The following ITFG1 variants were observed in gnomAD, a reference collection of about 807,000 sequenced individuals.
ITFG1 encodes the protein T-cell immunomodulatory protein.
In ITFG1, 34 loss-of-function variants were observed where a neutral mutation model predicts 81.8. The ratio of observed to expected loss-of-function variants is 0.42; its 90% CI spans 0.32 to 0.55. The LOEUF (loss-of-function observed/expected upper bound fraction) is 0.55, where lower values mean the gene tolerates loss of function less well. ITFG1 is among the 20% of genes least tolerant of loss of function. The pLI is 0.17. For synonymous variants in ITFG1, 285 were observed against 270.6 expected (o/e 1.05, Z -0.52); for missense variants, 672 against 755.4 (o/e 0.89, Z 1.29).
intron 6 of ITFG1, among the ~76,000 whole-genome samples, chr16:47,417,928 T>C (rs1968894162): frequency 6.6e-6 from 1 of 152,144 alleles, no homozygotes; most frequent in Non-Finnish European, 1.5e-5. Context: ...GGTAGTTCCA[T>C]TTTTAGTTTT....
At chr16:47,279,514 C>T (rs190111390) in intron 10 of ITFG1, among the ~76,000 whole-genome samples, 1 of 152,236 alleles carries the variant, frequency 6.6e-6, no homozygotes, top group East Asian at 1.9e-4. Flanking sequence ...CTTGCCAATA[C>T]CACACTGTCT....
chr16:47,197,052 T>C (rs982786873), intron 14 of ITFG1, among the ~76,000 whole-genome samples: 5 of 152,208 alleles, frequency 3.3e-5, no homozygotes, highest in Non-Finnish European at 5.9e-5. Context: ...ACATGACAGA[T>C]AGCAGGCCCT....
intron 5 of ITFG1, among the ~76,000 whole-genome samples, chr16:47,433,285 A>T (rs1394712840): frequency 6.6e-6 from 1 of 152,244 alleles, no homozygotes; most frequent in Non-Finnish European, 1.5e-5. Context: ...TACTCCTTTA[A>T]GAATCTTGAA....
intron 10 of ITFG1, among the ~76,000 whole-genome samples, chr16:47,282,471 TA>T (rs1373824708): frequency 3.3e-5 from 5 of 152,062 alleles, no homozygotes; most frequent in African/African-American, 9.7e-5. Context: ...ATGATATATA[TA>T]TTTTTTTATC....
At chr16:47,225,325 T>A (rs1965744762) in intron 13 of ITFG1, among the ~76,000 whole-genome samples, 1 of 151,890 alleles carries the variant, frequency 6.6e-6, no homozygotes, top group African/African-American at 2.4e-5. Flanking sequence ...CCAACAATAA[T>A]GGGAGTCCCA....
chr16:47,419,599 G>GTT (rs1567493655), intron 6 of ITFG1, among the ~76,000 whole-genome samples: 8 of 140,184 alleles, frequency 5.7e-5, no homozygotes, highest in African/African-American at 2.1e-4. Context: ...CTTACTTCAG[G>GTT]TCTTTTTTTT....
chr16:47,348,631 A>T (rs192527421), intron 8 of ITFG1, among the ~76,000 whole-genome samples: 92 of 152,334 alleles, frequency 6.0e-4, no homozygotes, highest in African/African-American at 2.1e-3. Context: ...GTTGGAAAAC[A>T]CTCTACAGGA....
chr16:47,445,285 C>T (rs923096890), intron 5 of ITFG1, among the ~76,000 whole-genome samples: 4 of 148,448 alleles, frequency 2.7e-5, no homozygotes, highest in East Asian at 2.0e-4. Flanking sequence ...ATTTCCCCCA[C>T]GTTTGATATC....
At chr16:47,347,755 G>T (rs1232258724) in intron 8 of ITFG1, among the ~76,000 whole-genome samples, 2 of 152,344 alleles carry the variant, frequency 1.3e-5, no homozygotes, top group East Asian at 3.9e-4. Flanking sequence ...CCTCAAGTGG[G>T]TCTCTGACCC....
upstream of ITFG1, chr16:47,461,119 C>T (rs1969537677): frequency 7.3e-7 from 1 of 1,373,912 alleles, no homozygotes. Context: ...CGTTACCGGC[C>T]GAGAGAGTGG....
intron 14 of ITFG1, among the ~76,000 whole-genome samples, chr16:47,207,260 T>A (rs1168758171): frequency 1.3e-5 from 2 of 152,050 alleles, no homozygotes; most frequent in Non-Finnish European, 2.9e-5. Flanking sequence ...TTTTTTTGTA[T>A]TTTTTAGTAG....
At chr16:47,405,754 T>C (rs530047035) in intron 6 of ITFG1, among the ~76,000 whole-genome samples, 1 of 152,260 alleles carries the variant, frequency 6.6e-6, no homozygotes, top group South Asian at 2.1e-4. Context: ...AAATGGTAGT[T>C]ATTATTCTCA....
intron 8 of ITFG1, among the ~76,000 whole-genome samples, chr16:47,336,819 C>T (rs570256579): frequency 2.9e-4 from 44 of 151,856 alleles, no homozygotes; most frequent in Non-Finnish European, 5.2e-4. Flanking sequence ...AAAAATTAGC[C>T]GGGCATGGTG....
intron 8 of ITFG1, among the ~76,000 whole-genome samples, chr16:47,321,149 T>C (rs959251442): frequency 6.6e-6 from 1 of 152,200 alleles, no homozygotes; most frequent in Non-Finnish European, 1.5e-5. Context: ...GACTGTAGCA[T>C]AGATGAGCTA....
At chr16:47,296,885 T>A (rs1444912830) in intron 10 of ITFG1, among the ~76,000 whole-genome samples, 1 of 152,220 alleles carries the variant, frequency 6.6e-6, no homozygotes, top group Non-Finnish European at 1.5e-5. Context: ...GAATGTTCCA[T>A]GTTCCGATGA....
chr16:47,460,801 G>T lies in ITFG1; in HGVS notation c.208+37C>A, dbSNP rs748999841. Reference sequence around the variant, plus strand: ...TTGGGGAACACCGGGAGAGGCACACGGACAGCGAACAGAGGGAGGGCCCGG... The same window carrying T: ...TTGGGGAACACCGGGAGAGGCACACTGACAGCGAACAGAGGGAGGGCCCGG... On this transcript the variant is annotated intron_variant, in intron 1 of 17. Coordinates refer to ENST00000320640, the MANE Select transcript of ITFG1 (RefSeq NM_030790.5). 1.1e-5 allele frequency: 17 copies of T among 1,604,242 alleles called. No homozygotes were observed. The South Asian group carries it at 1.7e-4, about 16-fold the overall frequency.
intron 14 of ITFG1, among the ~76,000 whole-genome samples, chr16:47,200,623 A>G (rs1275349449): frequency 2.6e-5 from 4 of 152,190 alleles, no homozygotes; most frequent in Non-Finnish European, 5.9e-5. Flanking sequence ...AAACCAGAGA[A>G]AAAAGAGAAA....
intron 8 of ITFG1, among the ~76,000 whole-genome samples, chr16:47,347,077 G>A (rs979326061): frequency 6.6e-6 from 1 of 152,224 alleles, no homozygotes; most frequent in Non-Finnish European, 1.5e-5. Flanking sequence ...TTCCAAGATG[G>A]CCGAATAGGA....
chr16:47,178,669 A>T (rs948200772), intron 14 of ITFG1, among the ~76,000 whole-genome samples: 5 of 152,240 alleles, frequency 3.3e-5, no homozygotes, highest in African/African-American at 1.2e-4. Context: ...GCTATGGGCA[A>T]GGACTTCATG....
Sources: allele counts gnomAD v4.1 joint callset (sites outside exome capture counted in the v4.1 genomes callset), GRCh38; gene constraint gnomAD v4.1.1; transcripts MANE v1.5; gene names NCBI Gene and HGNC (gene_info 2026-07-23, HGNC 2026-07-21).